TRIM24: variants seen among roughly 807,000 people sequenced by gnomAD.
TRIM24 encodes the protein transcription intermediary factor 1-alpha.
A neutral mutation model predicts 123.9 loss-of-function variants in TRIM24; 29 were observed. The observed-to-expected ratio is 0.23, with a 90% CI of 0.17 to 0.32. The LOEUF is 0.32. Among genes scored for constraint, TRIM24 ranks in the 10% least tolerant of loss-of-function variants. The probability of loss-of-function intolerance (pLI) is 1.00; values close to 1 mark genes in which losing one functional copy is unlikely to be tolerated. For synonymous variants in TRIM24, 456 were observed against 461.1 expected, an observed-to-expected ratio of 0.99 and a Z score of 0.14; for missense variants, 932 against 1,295.3, an observed-to-expected ratio of 0.72 and a Z score of 4.31.
At chr7:138,461,391 T>G (rs1293394362) in intron 1 of TRIM24, 6 of 396,896 alleles carry the variant, frequency 1.5e-5, no homozygotes, top group Non-Finnish European at 2.9e-5. Context: ...GATGGTGACT[T>G]TCTTTGATGA....
At chr7:138,532,701 T>A (rs1796773681) in intron 6 of TRIM24, among the ~76,000 whole-genome samples, 1 of 152,226 alleles carries the variant, frequency 6.6e-6, no homozygotes. Context: ...TGCGGGCTCT[T>A]TTTTGGTTCC....
chr7:138,462,469 T>C (rs1025118530), intron 1 of TRIM24, among the ~76,000 whole-genome samples: 10 of 150,406 alleles, frequency 6.6e-5, no homozygotes, highest in African/African-American at 2.2e-4. Flanking sequence ...GCCTCCCGAG[T>C]AGCTGGGACT....
intron 9 of TRIM24, 68 bp from the exon 10 acceptor site, chr7:138,567,413 G>T: frequency 7.1e-7 from 1 of 1,417,734 alleles, no homozygotes; most frequent in Non-Finnish European, 9.5e-7. Flanking sequence ...AGTTTTATAA[G>T]ATAGAGATTT....
chr7:138,554,324 A>G lies in TRIM24; in HGVS notation c.1262-374A>G, dbSNP rs1257553675. On this transcript the variant is annotated intron_variant, in intron 8 of 18. Transcript: ENST00000343526. This position sits in a 1 kb window ranked among gnomAD's most constrained non-coding sequence, Gnocchi z 4.5. ...ATTATGATAGATAGTGCAGAAACAG[A>G]TAATGTGATTTCAGCTATTAAGCCA... is the stretch of plus-strand genomic sequence containing the variant. Among the ~76,000 whole-genome samples the G allele has an allele frequency of 2.0e-5, 3 of 151,676 alleles. No individual in the cohort carries two copies. Among genetic ancestry groups the G allele is most frequent in the African/African-American group, 7.3e-5 (3 of 40,930 alleles).
At position 138,463,989 on chromosome 7, in the gene TRIM24, CTTTTTTTT is replaced by C. The variant is rs568562414; in HGVS notation, c.364+3093_364+3100del. Among the ~76,000 whole-genome samples, 14 of 50,764 alleles carry C rather than the reference CTTTTTTTT, an allele frequency of 2.8e-4. 2 individuals are homozygous for C. Among genetic ancestry groups the C allele is most frequent in the East Asian group, 9.1e-4 (2 of 2,202 alleles). The allele number at this position is 50,764 out of a possible 152,430, so 33.3% of individuals were successfully genotyped here. A position where few individuals can be genotyped will look rare whatever the true frequency, so the allele number is the denominator to read the frequency against. On this transcript the variant is annotated intron_variant, in intron 1 of 18. Transcript: ENST00000343526. ...ATACTAGCTGAAGCAAAAATTTAGA[CTTTTTTTT>C]TTTTTTTTTTTTTTTGAGACGGAGT... is the stretch of plus-strand genomic sequence containing the variant.
chr7:138,528,070 C>T (rs915716063), intron 5 of TRIM24, among the ~76,000 whole-genome samples: 10 of 152,196 alleles, frequency 6.6e-5, no homozygotes, highest in African/African-American at 2.2e-4. Context: ...ATAACTCAGG[C>T]TTACAATGAC....
chr7:138,543,623 A>AC, intron 7 of TRIM24, among the ~76,000 whole-genome samples: 2 of 152,132 alleles, frequency 1.3e-5, no homozygotes, highest in African/African-American at 4.8e-5. Context: ...AAATTTATTT[A>AC]TATTTTACTA....
In TRIM24 at chr7:138,576,453, G is replaced by C. The variant is rs1797761157; in HGVS notation, c.2087+8G>C. 1 of 1,611,972 alleles carries C rather than the reference G, an allele frequency of 6.2e-7. No homozygotes were observed. The highest frequency in any genetic ancestry group is 2.2e-5 in the East Asian group (1 of 44,866). ...CGTTGGAAGCCGAGGAAGGTAAACT[G>C]ACTAAACCATATTTTCTAGTATATA... On this transcript the variant is annotated splice_region_variant and intron_variant, in intron 13 of 18. Coordinates refer to ENST00000343526, the MANE Select transcript of TRIM24 (RefSeq NM_015905.3).
Position 138,525,254 on chromosome 7 carries a change from G to A in TRIM24, c.778G>A (p.Glu260Lys). 6.7e-7 allele frequency: 1 copy of A among 1,485,676 alleles called. No individual in the cohort carries two copies. Among genetic ancestry groups the A allele is most frequent in the Non-Finnish European group, 8.9e-7 (1 of 1,120,870 alleles). 92.0% of individuals were successfully genotyped at this position (1,485,676 alleles called of 1,614,324 possible). A position where few individuals can be genotyped will look rare whatever the true frequency, so the allele number is the denominator to read the frequency against. Residue 260 changes from glutamate to lysine, a missense_variant, in exon 5 of 19, where the codon GAA becomes AAA. Physicochemically the swap from Glu to Lys is moderately conservative, Grantham distance 56 (BLOSUM62 1). Transcript: ENST00000343526. ...EHKEHRYQFI[E>K]EAFQNQKVII... ...TTATTTCTTCAGATACCAATTTATA[G>A]AAGAAGCTTTTCAGAATCAGAAAGT...
chr7:138,460,468 C>G lies in TRIM24; in HGVS notation c.-81C>G. ...CCACCGAGCGGCCTCTGAGGAGCAG[C>G]CGCAGGAGGAGGAGGAGGTCGTCGG... On this transcript the variant is annotated 5_prime_UTR_variant, in exon 1 of 19. Coordinates refer to ENST00000343526, the MANE Select transcript of TRIM24 (RefSeq NM_015905.3). 1 of 1,241,368 alleles carries G rather than the reference C, an allele frequency of 8.1e-7. No homozygotes were observed. Among genetic ancestry groups the G allele is most frequent in the East Asian group, 3.2e-5 (1 of 31,582 alleles). The allele number at this position is 1,241,368 out of a possible 1,614,324, so 76.9% of individuals were successfully genotyped here.
rs149054406 is a variant in TRIM24, at chr7:138,525,175, T to G, written c.765-66T>G. On this transcript the variant is annotated intron_variant, in intron 4 of 18. Transcript: ENST00000343526. Reference sequence around the variant, plus strand: ...AATCCTATTTTATGTTTTTATGTCTTTTTTTATTCTTGGACTTTTTCCTCA... The same window carrying G: ...AATCCTATTTTATGTTTTTATGTCTGTTTTTATTCTTGGACTTTTTCCTCA... The G allele has an allele frequency of 1.9e-4, 142 of 734,536 alleles. 1 individual carries two copies. In the African/African-American group the frequency reaches 2.5e-3, roughly 13 times the overall value. 45.5% of individuals were successfully genotyped at this position (734,536 alleles called of 1,614,324 possible).
At chr7:138,579,557 AT>A (rs1797849529) in intron 15 of TRIM24, 25 bp downstream of exon 15, 1 of 1,522,712 alleles carries the variant, frequency 6.6e-7, no homozygotes, top group Non-Finnish European at 8.9e-7. Context: ...CCCTTCCCAC[AT>A]TCTTTTACTG....
chr7:138,516,161 G>A (rs1796389916), intron 3 of TRIM24, among the ~76,000 whole-genome samples: 1 of 152,122 alleles, frequency 6.6e-6, no homozygotes, highest in Non-Finnish European at 1.5e-5. Flanking sequence ...AATTAGCTGG[G>A]CGTGGTGGCG....
At chr7:138,529,056 G>T in intron 5 of TRIM24, 60 bp from the exon 6 acceptor site, 1 of 1,039,556 alleles carries the variant, frequency 9.6e-7, no homozygotes, top group East Asian at 2.7e-5. Context: ...ACATTAAAAC[G>T]TCAATTTTAA....
chr7:138,464,215 C>T (rs772932139), intron 1 of TRIM24, among the ~76,000 whole-genome samples: 2 of 151,548 alleles, frequency 1.3e-5, no homozygotes, highest in Non-Finnish European at 2.9e-5. Flanking sequence ...CCAGGATGGT[C>T]TCGATCTCCT....
At chr7:138,481,967 A>G (rs1348760331) in intron 1 of TRIM24, among the ~76,000 whole-genome samples, 1 of 151,960 alleles carries the variant, frequency 6.6e-6, no homozygotes, top group Non-Finnish European at 1.5e-5. Flanking sequence ...CATTAGCGGA[A>G]AATAGTACCA....
At chr7:138,502,999 C>T (rs1796074386) in intron 1 of TRIM24, among the ~76,000 whole-genome samples, 2 of 151,628 alleles carry the variant, frequency 1.3e-5, no homozygotes, top group Admixed American at 6.6e-5. Flanking sequence ...TGTTAATCTA[C>T]TTAAAGTAGT....
intron 1 of TRIM24, among the ~76,000 whole-genome samples, chr7:138,467,837 G>A (rs1164294211): frequency 6.6e-5 from 10 of 151,612 alleles, no homozygotes. Context: ...ACTGTTGGTA[G>A]TATATTGAAA....
chr7:138,481,193 T>C (rs1209056760), intron 1 of TRIM24, among the ~76,000 whole-genome samples: 4 of 152,116 alleles, frequency 2.6e-5, no homozygotes, highest in East Asian at 3.9e-4. Flanking sequence ...GGTTTCTCCA[T>C]GTTGGTCGGG....
Sources: gnomAD v4.1 joint callset for allele counts (sites outside exome capture counted in the v4.1 genomes callset) on GRCh38, gnomAD v4.1.1 for gene constraint, Gnocchi (gnomAD v3.1) non-coding constraint, MANE v1.5 for transcripts, NCBI Gene and HGNC (gene_info 2026-07-23, HGNC 2026-07-21) for gene names.